The following DLG2 variants were observed in gnomAD, a reference collection of about 807,000 sequenced individuals.
DLG2 encodes discs large MAGUK scaffold protein 2.
A neutral mutation model predicts 132.5 loss-of-function variants in DLG2; 45 were observed. The observed-to-expected ratio is 0.34, with a 90% CI of 0.27 to 0.44. The LOEUF (loss-of-function observed/expected upper bound fraction) is 0.44, where lower values mean the gene tolerates loss of function less well. Among genes scored for constraint, DLG2 ranks in the 20% least tolerant of loss-of-function variants. The pLI is 1.00. For synonymous variants in DLG2, 424 were observed against 419.6 expected (o/e 1.01, Z -0.13); for missense variants, 1,045 against 1,196.9 (o/e 0.87, Z 1.87).
At chr11:83,616,798 A>T (rs1296044009) in intron 19 of DLG2, among the ~76,000 whole-genome samples, 1 of 152,178 alleles carries the variant, frequency 6.6e-6, no homozygotes, top group African/African-American at 2.4e-5. Context: ...TTTTATCTAT[A>T]ATCCATGTAG....
chr11:84,128,689 G>C (rs982663852), intron 9 of DLG2, among the ~76,000 whole-genome samples: 8 of 151,938 alleles, frequency 5.3e-5, no homozygotes, highest in Non-Finnish European at 1.0e-4. Flanking sequence ...GGTATAAAAA[G>C]TTTTAGTCTT....
At position 85,517,002 on chromosome 11, in the gene DLG2, A is replaced by G. The variant is rs117541336; in HGVS notation, c.40+81655T>C. ...GAAAAACTACAGACCAGTATCCCTG[A>G]TGAAAATAGATATAAAAACCCTCAA... On this transcript the variant is annotated intron_variant, in intron 3 of 27. Transcript: ENST00000376104. Among the ~76,000 whole-genome samples, 689 of 152,260 alleles carry G rather than the reference A, an allele frequency of 4.5e-3. 3 individuals carry two copies. The highest frequency in any genetic ancestry group is 6.9e-3 in the Non-Finnish European group (468 of 68,016).
In DLG2 at chr11:84,907,107, C is replaced by A. The variant is rs1296105476; in HGVS notation, c.357+204554G>T. ...CTAACTGGAGATGTGGCATTTAAGGCATACACCATGGAAATGAGACTGCAT... is the reference window on the plus strand; with the variant it reads ...CTAACTGGAGATGTGGCATTTAAGGAATACACCATGGAAATGAGACTGCAT... On this transcript the variant is annotated intron_variant, in intron 6 of 27. Coordinates refer to ENST00000376104, the MANE Select transcript of DLG2 (RefSeq NM_001142699.3). Among the ~76,000 whole-genome samples the A allele has an allele frequency of 3.3e-5, 5 of 152,254 alleles. No homozygotes were observed. The South Asian group carries it at 8.3e-4, about 25-fold the overall frequency.
chr11:83,932,530 G>A (rs2080496351), intron 14 of DLG2, among the ~76,000 whole-genome samples: 1 of 152,102 alleles, frequency 6.6e-6, no homozygotes, highest in Non-Finnish European at 1.5e-5. Context: ...CACCGCGCCC[G>A]GCATATCTAA....
chr11:83,755,103 C>T lies in DLG2; in HGVS notation c.1825+31587G>A, dbSNP rs1358801638. On this transcript the variant is annotated intron_variant, in intron 18 of 27. Coordinates refer to ENST00000376104, the MANE Select transcript of DLG2 (RefSeq NM_001142699.3). ...AAACTGATGTGTTGCAAGATCTTAC[C>T]TACTTTTACCTTATTTCAAAGAAGA... Among the ~76,000 whole-genome samples the T allele has an allele frequency of 2.0e-5, 3 of 150,958 alleles. 1 individual carries two copies. Among genetic ancestry groups the T allele is most frequent in the African/African-American group, 7.4e-5 (3 of 40,528 alleles).
intron 3 of DLG2, among the ~76,000 whole-genome samples, chr11:85,473,773 G>C (rs571174595): frequency 6.6e-6 from 1 of 152,086 alleles, no homozygotes; most frequent in East Asian, 1.9e-4. Flanking sequence ...AGAATTTATT[G>C]AGTCAAATAT....
chr11:84,691,503 T>C (rs192731928), intron 6 of DLG2, among the ~76,000 whole-genome samples: 42 of 151,998 alleles, frequency 2.8e-4, no homozygotes, highest in Non-Finnish European at 3.7e-4. Flanking sequence ...TATACACTTA[T>C]ACACATCAGT....
chr11:85,347,884 G>T (rs948776786), intron 3 of DLG2, among the ~76,000 whole-genome samples: 1 of 134,342 alleles, frequency 7.4e-6, no homozygotes, highest in African/African-American at 2.9e-5. Flanking sequence ...GCACATTGCA[G>T]CCTCGACCTC....
intron 3 of DLG2, among the ~76,000 whole-genome samples, chr11:85,502,783 A>T (rs1239203161): frequency 6.6e-6 from 1 of 152,146 alleles, no homozygotes; most frequent in Non-Finnish European, 1.5e-5. Context: ...AAACCCGCAC[A>T]TTCTGCACAT....
At chr11:84,187,117 A>C (rs527750324) in intron 8 of DLG2, among the ~76,000 whole-genome samples, 1 of 149,432 alleles carries the variant, frequency 6.7e-6, no homozygotes, top group Admixed American at 6.7e-5. Flanking sequence ...TTATATCTTT[A>C]TATAAATATA....
At chr11:85,394,931 A>G (rs1000453500) in intron 3 of DLG2, among the ~76,000 whole-genome samples, 2 of 152,206 alleles carry the variant, frequency 1.3e-5, no homozygotes, top group Non-Finnish European at 2.9e-5. Context: ...CAGGGCTCCA[A>G]TTAATTGTCT....
At chr11:84,052,155 A>G (rs1261001376) in intron 11 of DLG2, among the ~76,000 whole-genome samples, 2 of 151,924 alleles carry the variant, frequency 1.3e-5, no homozygotes, top group African/African-American at 2.4e-5. Context: ...ATATATGTGC[A>G]TTTTCATAAA....
chr11:85,500,187 C>A (rs1488194871), intron 3 of DLG2, among the ~76,000 whole-genome samples: 1 of 151,976 alleles, frequency 6.6e-6, no homozygotes, highest in East Asian at 1.9e-4. Flanking sequence ...GATTGTATAT[C>A]TAGAAAACCC....
intron 6 of DLG2, among the ~76,000 whole-genome samples, chr11:84,879,418 A>T (rs1251308011): frequency 2.0e-5 from 3 of 152,160 alleles, no homozygotes; most frequent in South Asian, 2.1e-4. Context: ...TGATTTTACA[A>T]AACTATAGGT....
At chr11:83,850,164 TTTTA>T (rs2059464939) in intron 16 of DLG2, among the ~76,000 whole-genome samples, 1 of 39,242 alleles carries the variant, frequency 2.5e-5, no homozygotes, top group African/African-American at 1.2e-4. Flanking sequence ...GTGTGTGTTT[TTTTA>T]CTTGAGACGG....
chr11:84,342,407 C>T (rs1248244553), intron 7 of DLG2, among the ~76,000 whole-genome samples: 1 of 152,142 alleles, frequency 6.6e-6, no homozygotes, highest in East Asian at 1.9e-4. Context: ...AAACTATTGC[C>T]ATTTATTTCC....
chr11:83,943,483 G>A (rs1391799822), intron 14 of DLG2, among the ~76,000 whole-genome samples: 3 of 152,176 alleles, frequency 2.0e-5, no homozygotes, highest in African/African-American at 7.2e-5. Flanking sequence ...ATGGCATTAT[G>A]AGAATAGTGA....
chr11:84,793,700 T>C (rs1375138305), intron 6 of DLG2, among the ~76,000 whole-genome samples: 1 of 152,244 alleles, frequency 6.6e-6, no homozygotes, highest in Non-Finnish European at 1.5e-5. Context: ...AAGTCTATTT[T>C]GTCTGATATT....
chr11:84,725,695 C>T (rs998778252), intron 6 of DLG2, among the ~76,000 whole-genome samples: 1 of 152,120 alleles, frequency 6.6e-6, no homozygotes, highest in Middle Eastern at 3.2e-3. Context: ...CTTATCTAAG[C>T]TACCATTTCT....
Sources: gnomAD v4.1 joint callset for allele counts (sites outside exome capture counted in the v4.1 genomes callset) on GRCh38, gnomAD v4.1.1 for gene constraint, MANE v1.5 for transcripts, NCBI Gene and HGNC (gene_info 2026-07-23, HGNC 2026-07-21) for gene names.